The following HTR1F variants were observed in gnomAD, a reference collection of about 807,000 sequenced individuals.
The protein encoded by HTR1F is 5-hydroxytryptamine receptor 1F.
In HTR1F, 17 loss-of-function variants were observed where a neutral mutation model predicts 24.0. The ratio of observed to expected loss-of-function variants is 0.71; its 90% confidence interval spans 0.48 to 1.06. The LOEUF (loss-of-function observed/expected upper bound fraction) is 1.06, where lower values mean the gene tolerates loss of function less well. Ranked by LOEUF, HTR1F falls within the 50% of genes least tolerant of loss-of-function variation. The pLI is 0.00. For synonymous variants in HTR1F, 186 were observed against 156.8 expected, an observed-to-expected ratio of 1.19 and a Z score of -1.39; for missense variants, 391 against 427.8, an observed-to-expected ratio of 0.91 and a Z score of 0.76.
intron 1 of HTR1F, among the ~76,000 whole-genome samples, chr3:87,800,035 A>G (rs1177160803): frequency 3.9e-5 from 6 of 152,202 alleles, no homozygotes; most frequent in Admixed American, 1.3e-4. Flanking sequence ...TTTCCTGATC[A>G]TTCATTACTT....
chr3:87,873,296 T>C (rs1705600910), intron 2 of HTR1F, among the ~76,000 whole-genome samples: 1 of 152,108 alleles, frequency 6.6e-6, no homozygotes. Flanking sequence ...GTGTAAGTCC[T>C]AGTCCAAGTC....
At chr3:87,829,396 C>T (rs565616048) in intron 2 of HTR1F, among the ~76,000 whole-genome samples, 5 of 152,296 alleles carry the variant, frequency 3.3e-5, no homozygotes, top group East Asian at 3.9e-4. Flanking sequence ...GAAGCATATG[C>T]GATATGCACA....
chr3:87,818,696 C>G (rs13093221), intron 1 of HTR1F, among the ~76,000 whole-genome samples: 1 of 152,270 alleles, frequency 6.6e-6, no homozygotes, highest in East Asian at 1.9e-4. Context: ...ACAGGTATAT[C>G]TTATCAAGTC....
At chr3:87,879,648 A>T (rs1705745679) in intron 2 of HTR1F, among the ~76,000 whole-genome samples, 2 of 152,178 alleles carry the variant, frequency 1.3e-5, no homozygotes, top group South Asian at 4.1e-4. Context: ...AAATTCTTAA[A>T]TTTTTAGTTC....
At chr3:87,883,868 T>G (rs1341392666) in intron 2 of HTR1F, among the ~76,000 whole-genome samples, 1 of 152,172 alleles carries the variant, frequency 6.6e-6, no homozygotes, top group Non-Finnish European at 1.5e-5. Flanking sequence ...CTATGTTTGA[T>G]TGGTGCACCT....
chr3:87,844,397 T>G (rs2107186480), intron 2 of HTR1F, among the ~76,000 whole-genome samples: 1 of 131,242 alleles, frequency 7.6e-6, no homozygotes, highest in African/African-American at 3.8e-5. Context: ...CTTGTAAATT[T>G]GTTGGAGTTC....
At chr3:87,964,931 G>A (rs76773101) in intron 2 of HTR1F, among the ~76,000 whole-genome samples, 13,358 of 152,098 alleles carry the variant, frequency 0.088, 622 homozygotes, top group African/African-American at 0.11. Flanking sequence ...TAGTGAATAA[G>A]TCATGAGATC....
intron 2 of HTR1F, among the ~76,000 whole-genome samples, chr3:87,933,824 AC>A (rs1228987611): frequency 6.6e-6 from 1 of 152,190 alleles, no homozygotes; most frequent in Non-Finnish European, 1.5e-5. Flanking sequence ...CTTTAAACTA[AC>A]ACATAAAGAG....
chr3:87,919,661 C>T (rs777658945), intron 2 of HTR1F, among the ~76,000 whole-genome samples: 7 of 151,888 alleles, frequency 4.6e-5, no homozygotes, highest in East Asian at 3.9e-4. Context: ...AATCAAACCA[C>T]GATATGATAC....
intron 1 of HTR1F, chr3:87,793,113 G>A (rs1362405057): frequency 6.6e-6 from 1 of 152,556 alleles, no homozygotes; most frequent in Non-Finnish European, 1.5e-5. Context: ...AGTGGTCAAG[G>A]CTGGGAGGAA....
intron 2 of HTR1F, among the ~76,000 whole-genome samples, chr3:87,926,533 C>T (rs549678158): frequency 2.4e-4 from 37 of 152,110 alleles, no homozygotes; most frequent in African/African-American, 8.7e-4. Flanking sequence ...GTATTTTAGA[C>T]AAAGCATCAA....
At chr3:87,795,004 T>A (rs1703880645) in intron 1 of HTR1F, among the ~76,000 whole-genome samples, 1 of 118,524 alleles carries the variant, frequency 8.4e-6, no homozygotes, top group African/African-American at 3.2e-5. Context: ...TTTTTTTTTT[T>A]TTTTTTGAGA....
intron 2 of HTR1F, among the ~76,000 whole-genome samples, chr3:87,982,511 A>G (rs555380206): frequency 1.6e-4 from 24 of 152,242 alleles, no homozygotes; most frequent in Middle Eastern, 3.4e-3. Context: ...TCAAAATGAA[A>G]AGACTTTCTG....
rs557397523 is a variant in HTR1F at position 87,844,925 on chromosome 3, G to T, written c.-43+22801G>T. Among the ~76,000 whole-genome samples the T allele has an allele frequency of 1.8e-4, 27 of 151,836 alleles. 1 individual carries two copies. The South Asian group carries it at 2.5e-3, about 14-fold the overall frequency. On this transcript the variant is annotated intron_variant, in intron 2 of 2. Transcript: ENST00000319595. ...GTACCAGTACCTACCATGCTGTTTTGGTTACTGTAGCCTTGTAGTATAGTT... is the reference window on the plus strand; with the variant it reads ...GTACCAGTACCTACCATGCTGTTTTTGTTACTGTAGCCTTGTAGTATAGTT...
intron 2 of HTR1F, among the ~76,000 whole-genome samples, chr3:87,838,688 C>A (rs1205879460): frequency 1.3e-5 from 2 of 151,990 alleles, no homozygotes; most frequent in African/African-American, 2.4e-5. Context: ...TTGAACTGTG[C>A]ACATGCATTG....
At chr3:87,948,094 T>C (rs1278978799) in intron 2 of HTR1F, among the ~76,000 whole-genome samples, 1 of 152,212 alleles carries the variant, frequency 6.6e-6, no homozygotes, top group East Asian at 1.9e-4. Flanking sequence ...TATAAAACAT[T>C]AAGGCTTATC....
In HTR1F at chr3:87,939,596, C is replaced by T. The variant is rs557574973; in HGVS notation, c.-42-51112C>T. Among the ~76,000 whole-genome samples, 12 of 152,212 alleles carry T rather than the reference C, an allele frequency of 7.9e-5. No individual in the cohort carries two copies. The East Asian group carries it at 2.3e-3, about 29-fold the overall frequency. On this transcript the variant is annotated intron_variant, in intron 2 of 2. Transcript: ENST00000319595. ...GGATTCGACTTCTTCCTGCTTTGGT[C>T]TTGGGAGAGTGTACGTGTCCAGGAA...
At chr3:87,833,723 C>G (rs2107159240) in intron 2 of HTR1F, among the ~76,000 whole-genome samples, 1 of 152,188 alleles carries the variant, frequency 6.6e-6, no homozygotes, top group Admixed American at 6.5e-5. Flanking sequence ...TGGCCTCAAG[C>G]AGTCCTCCCA....
At chr3:87,976,313 A>C (rs1705393997) in intron 2 of HTR1F, among the ~76,000 whole-genome samples, 1 of 152,174 alleles carries the variant, frequency 6.6e-6, no homozygotes, top group Admixed American at 6.5e-5. Flanking sequence ...CAAAAATAAA[A>C]GAGAGGGAAA....
Sources: allele counts gnomAD v4.1 joint callset (sites outside exome capture counted in the v4.1 genomes callset), GRCh38; gene constraint gnomAD v4.1.1; transcripts MANE v1.5; gene names NCBI Gene and HGNC (gene_info 2026-07-23, HGNC 2026-07-21).